Variants in GPC5 observed in about 807,000 individuals in gnomAD.
GPC5 encodes the protein glypican 5, also known as glypican-5.
GPC5 carries 47 observed loss-of-function variants against 53.9 expected under a neutral mutation model. The ratio of observed to expected loss-of-function variants is 0.87; its 90% CI spans 0.69 to 1.11. GPC5 has a LOEUF of 1.11. Ranked by LOEUF, GPC5 falls within the 50% of genes most tolerant of loss-of-function variation. GPC5 has a pLI of 0.00. For missense variants in GPC5, 748 were observed against 713.1 expected (o/e 1.05, Z -0.56); for synonymous variants, 286 against 263.3 (o/e 1.09, Z -0.84).
chr13:91,732,782 C>T (rs1311741838), intron 4 of GPC5, among the ~76,000 whole-genome samples: 2 of 152,120 alleles, frequency 1.3e-5, no homozygotes, highest in African/African-American at 2.4e-5. Context: ...ATAGGGAATC[C>T]TTTTCCCATT....
At chr13:92,282,354 C>T (rs2042922237) in intron 7 of GPC5, among the ~76,000 whole-genome samples, 1 of 152,142 alleles carries the variant, frequency 6.6e-6, no homozygotes, top group Non-Finnish European at 1.5e-5. Context: ...CTTCCCCAAC[C>T]TAGCAAGGCA....
intron 7 of GPC5, among the ~76,000 whole-genome samples, chr13:92,809,177 G>T (rs1417933819): frequency 6.6e-6 from 1 of 152,092 alleles, no homozygotes; most frequent in African/African-American, 2.4e-5. Context: ...ATGTATGAAA[G>T]AATAAAATAA....
chr13:92,767,791 C>T (rs1415777946), intron 7 of GPC5, among the ~76,000 whole-genome samples: 1 of 152,116 alleles, frequency 6.6e-6, no homozygotes, highest in Non-Finnish European at 1.5e-5. Context: ...ATGTCTATAC[C>T]TGAGTGGAAC....
intron 2 of GPC5, among the ~76,000 whole-genome samples, chr13:91,689,471 A>T (rs143553349): frequency 0.012 from 1,768 of 150,716 alleles, 39 homozygotes; most frequent in African/African-American, 0.039. Flanking sequence ...AGCTTACAGT[A>T]GTTTATAATA....
At chr13:91,803,005 G>GT (rs1225390811) in intron 5 of GPC5, among the ~76,000 whole-genome samples, 1 of 152,146 alleles carries the variant, frequency 6.6e-6, no homozygotes, top group South Asian at 2.1e-4. Context: ...AGATGATGGT[G>GT]TTTTTTGCTT....
chr13:92,395,610 A>G (rs1316109084), intron 7 of GPC5, among the ~76,000 whole-genome samples: 1 of 152,086 alleles, frequency 6.6e-6, no homozygotes, highest in African/African-American at 2.4e-5. Flanking sequence ...TTTCCCTTTA[A>G]ATAACTTCTT....
intron 7 of GPC5, among the ~76,000 whole-genome samples, chr13:92,705,708 G>A (rs1244511645): frequency 6.6e-6 from 1 of 151,910 alleles, no homozygotes; most frequent in South Asian, 2.1e-4. Flanking sequence ...CGTCTATGTT[G>A]GAAAGCAATG....
At chr13:92,660,168 T>G (rs565742548) in intron 7 of GPC5, among the ~76,000 whole-genome samples, 7 of 152,236 alleles carry the variant, frequency 4.6e-5, no homozygotes, top group Non-Finnish European at 7.3e-5. Context: ...ATAGTCTTGG[T>G]GTATGATTTT....
chr13:92,162,193 A>G (rs115741573), intron 7 of GPC5, among the ~76,000 whole-genome samples: 4 of 151,988 alleles, frequency 2.6e-5, no homozygotes, highest in African/African-American at 9.7e-5. Context: ...AAATTTTGCA[A>G]TTCAAATTAG....
intron 2 of GPC5, among the ~76,000 whole-genome samples, chr13:91,564,928 C>T (rs2031456407): frequency 6.6e-6 from 1 of 150,516 alleles, no homozygotes; most frequent in South Asian, 2.1e-4. Context: ...AAACTAATGG[C>T]TGACTTTTCT....
chr13:91,423,623 A>T (rs1300234080), intron 1 of GPC5, among the ~76,000 whole-genome samples: 1 of 152,212 alleles, frequency 6.6e-6, no homozygotes, highest in Admixed American at 6.5e-5. Flanking sequence ...GTCAAAGGCT[A>T]CAACGTTTCA....
intron 7 of GPC5, among the ~76,000 whole-genome samples, chr13:92,263,988 G>A (rs973890349): frequency 5.3e-5 from 8 of 151,952 alleles, no homozygotes; most frequent in Non-Finnish European, 1.0e-4. Flanking sequence ...TTGGAGTGAT[G>A]GATTTGTTAA....
chr13:91,652,222 T>C (rs957837458), intron 2 of GPC5, among the ~76,000 whole-genome samples: 2 of 152,198 alleles, frequency 1.3e-5, no homozygotes, highest in African/African-American at 4.8e-5. Flanking sequence ...TAAATAAGCG[T>C]TCACCATGCT....
In GPC5 at chr13:92,125,923, G is replaced by GTTTTTTTTTTTT. The variant is rs1566446337; in HGVS notation, c.1402-18907_1402-18906insTTTTTTTTTTTT. Among the ~76,000 whole-genome samples the GTTTTTTTTTTTT allele has an allele frequency of 4.3e-4, 18 of 41,536 alleles. 8 individuals carry two copies. The highest frequency in any genetic ancestry group is 2.9e-3 in the South Asian group (2 of 684). The allele number at this position is 41,536 out of a possible 152,430, so 27.2% of individuals were successfully genotyped here. On this transcript the variant is annotated intron_variant, in intron 6 of 7. Coordinates refer to ENST00000377067, the MANE Select transcript of GPC5 (RefSeq NM_004466.6). The stretch of plus-strand genomic sequence containing the variant: ...ATTAGAAAGGAAACATTTGTTTTTT[G>GTTTTTTTTTTTT]GTTTTTTTTTTTTTTTTTTTTTTTT...
chr13:91,437,583 C>T (rs116930391), intron 1 of GPC5, among the ~76,000 whole-genome samples: 8,080 of 151,664 alleles, frequency 0.053, 321 homozygotes, highest in East Asian at 0.18. Flanking sequence ...CTTCCCTTTG[C>T]AGGTAACATT....
intron 7 of GPC5, among the ~76,000 whole-genome samples, chr13:92,494,151 G>T (rs1227446578): frequency 6.6e-6 from 1 of 151,600 alleles, no homozygotes. Flanking sequence ...GTGCAGTGGC[G>T]CGATCTCGGC....
chr13:91,814,715 A>AT (rs1009539441), intron 5 of GPC5, among the ~76,000 whole-genome samples: 2 of 151,766 alleles, frequency 1.3e-5, no homozygotes, highest in Non-Finnish European at 2.9e-5. Flanking sequence ...TAATTTTTAT[A>AT]TTTTTTGTAG....
intron 7 of GPC5, among the ~76,000 whole-genome samples, chr13:92,750,854 T>C (rs1439116248): frequency 1.3e-5 from 2 of 152,196 alleles, no homozygotes; most frequent in East Asian, 1.9e-4. Flanking sequence ...TTTTTGTTTA[T>C]AGTCAAGTAT....
At chr13:92,850,351 G>T (rs1268579716) in intron 7 of GPC5, among the ~76,000 whole-genome samples, 3 of 152,148 alleles carry the variant, frequency 2.0e-5, no homozygotes, top group Non-Finnish European at 4.4e-5. Flanking sequence ...TGTAATCCAA[G>T]CACTTTGGGA....
Sources: allele counts gnomAD v4.1 joint callset (sites outside exome capture counted in the v4.1 genomes callset), GRCh38; gene constraint gnomAD v4.1.1; transcripts MANE v1.5; gene names NCBI Gene and HGNC (gene_info 2026-07-23, HGNC 2026-07-21).